SMCHD1: variants seen among roughly 807,000 people sequenced by gnomAD.
SMCHD1 encodes the protein structural maintenance of chromosomes flexible hinge domain containing 1.
In SMCHD1, 78 loss-of-function variants were observed where a neutral mutation model predicts 254.7. The observed-to-expected ratio is 0.31, with a 90% CI of 0.26 to 0.37. The LOEUF is 0.37. Ranked by LOEUF, SMCHD1 falls within the 10% of genes least tolerant of loss-of-function variation. SMCHD1 has a pLI of 1.00. For synonymous variants in SMCHD1, 766 were observed against 794.9 expected (o/e 0.96, Z 0.61); for missense variants, 1,840 against 2,408.1 (o/e 0.76, Z 4.94).
At chr18:2,711,775 C>T (rs1331629732) in intron 17 of SMCHD1, among the ~76,000 whole-genome samples, 4 of 152,184 alleles carry the variant, frequency 2.6e-5, no homozygotes, top group African/African-American at 9.7e-5. Flanking sequence ...AGCCACCGCG[C>T]CCGGCCTGGA....
intron 7 of SMCHD1, among the ~76,000 whole-genome samples, chr18:2,689,022 A>G (rs561207143): frequency 5.4e-4 from 82 of 152,280 alleles, no homozygotes; most frequent in African/African-American, 1.9e-3. Flanking sequence ...ATAGAGTAGA[A>G]AAACAGTAAC....
At chr18:2,797,652 C>T (rs1273424879) in intron 47 of SMCHD1, among the ~76,000 whole-genome samples, 2 of 152,196 alleles carry the variant, frequency 1.3e-5, no homozygotes, top group African/African-American at 4.8e-5. Context: ...TAAGGAATTA[C>T]AGTGGCTTAT....
Position 2,747,612 on chromosome 18 carries a change from G to A in SMCHD1, c.3892G>A (p.Val1298Ile). 6.2e-7 allele frequency: 1 copy of A among 1,603,834 alleles called. No homozygotes were observed. Among genetic ancestry groups the A allele is most frequent in the Non-Finnish European group, 8.5e-7 (1 of 1,174,308 alleles). Residue 1298 changes from valine to isoleucine, a missense_variant, in exon 30 of 48, where the codon GTT (valine) becomes ATT (isoleucine). Physicochemically the swap from Val to Ile is conservative, Grantham distance 29. Around this residue, in one of 9 missense-constraint regions of SMCHD1, gnomAD observed 881 missense variants for 1,009.5 expected, o/e 0.87. Transcript: ENST00000320876. ...GGATAATCCAGCACCGGTACAACAT[G>A]TTAAAATAAGTCTTACAAAAGCTAG... Reference protein sequence around the residue: ...QWDNPAPVQHVKISLTKASNL... With the variant: ...QWDNPAPVQHIKISLTKASNL...
At position 2,763,699 on chromosome 18, in the gene SMCHD1, C is replaced by T. The variant is rs483547; in HGVS notation, c.4629C>T (p.Gly1543=). The change falls in exon 37 of 48, where the codon GGC becomes GGT. Residue 1543 remains glycine (G), a synonymous_variant. Transcript: ENST00000320876. ...LVGTIIATIK[G]SNEEDTDTPL... ...GCACTATAATAGCCACCATTAAAGG[C>T]TCTAATGAGGAAGATACTGATACCC... The T allele has an allele frequency of 0.41, 662,280 of 1,605,584 alleles. 142,381 individuals are homozygous for T. Among genetic ancestry groups the T allele is most frequent in the Non-Finnish European group, 0.45 (528,054 of 1,175,720 alleles).
intron 1 of SMCHD1, among the ~76,000 whole-genome samples, chr18:2,662,667 C>CAAAAAAAAAAAAAAAAA (rs745838636): frequency 2.1e-3 from 74 of 35,650 alleles, no homozygotes; most frequent in East Asian, 4.7e-3. Flanking sequence ...AACAAAAAAC[C>CAAAAAAAAAAAAAAAAA]AAAAAAAAAA....
intron 7 of SMCHD1, among the ~76,000 whole-genome samples, chr18:2,691,224 A>T (rs751879251): frequency 4.6e-4 from 70 of 152,226 alleles, no homozygotes; most frequent in South Asian, 1.4e-3. Context: ...GAAAAATAGG[A>T]ATTGAGAATT....
chr18:2,674,068 A>T lies in SMCHD1; in HGVS notation c.561A>T (p.Arg187Ser), dbSNP rs375259752. 5.3e-5 allele frequency: 85 copies of T among 1,601,558 alleles called. No individual in the cohort carries two copies. The highest frequency in any genetic ancestry group is 7.0e-5 in the Non-Finnish European group (82 of 1,173,452). The change falls in exon 5 of 48, where the codon AGA becomes AGT. Residue 187 changes from arginine (R) to serine (S), a missense_variant. Transcript: ENST00000320876. ...CTGTTGCAGTGATAGATAATGGAAG[A>T]GGAATGACCTCTAAACAGCTTAACA... ...KPAVAVIDNG[R>S]GMTSKQLNNW...
In SMCHD1 at chr18:2,718,023, T is replaced by C; in HGVS notation, c.2261-135T>C. 3 of 621,286 alleles carry C rather than the reference T, an allele frequency of 4.8e-6. No individual in the cohort carries two copies. The South Asian group carries it at 6.2e-5, about 13-fold the overall frequency. 38.5% of individuals were successfully genotyped at this position (621,286 alleles called of 1,614,324 possible). A position where few individuals can be genotyped will look rare whatever the true frequency, so the allele number is the denominator to read the frequency against. On this transcript the variant is annotated intron_variant, in intron 17 of 47. Transcript: ENST00000320876. The surrounding 1 kb of genome is among the most constrained non-coding windows in gnomAD (Gnocchi z 4.6). ...ATTGCTGTTCACTTTCATAGGATAG[T>C]GTTAGATCTTTTGAAGCTTCAAAGC... is the stretch of plus-strand genomic sequence containing the variant.
intron 7 of SMCHD1, among the ~76,000 whole-genome samples, chr18:2,691,241 G>A (rs1323855607): frequency 6.6e-6 from 1 of 152,142 alleles, no homozygotes; most frequent in African/African-American, 2.4e-5. Context: ...AATTTAGGTG[G>A]TTTTCAAAAC....
rs559410260 is a variant in SMCHD1, at chr18:2,735,626, T to C, written c.3277-2771T>C. On this transcript the variant is annotated intron_variant, in intron 25 of 47. Transcript: ENST00000320876. ...ACAAAAACCAGTAGCATTTCTGTAC[T>C]ACGTTTTAAGCTGAAAGCCAAATCA... Among the ~76,000 whole-genome samples, 3 of 152,256 alleles carry C rather than the reference T, an allele frequency of 2.0e-5. No homozygotes were observed. In the South Asian group the frequency reaches 6.2e-4, roughly 32 times the overall value.
intron 45 of SMCHD1, among the ~76,000 whole-genome samples, chr18:2,788,787 G>A (rs1598449639): frequency 6.6e-6 from 1 of 151,942 alleles, no homozygotes; most frequent in Admixed American, 6.6e-5. Flanking sequence ...TTGTAGAGAT[G>A]GGGTTTCACC....
chr18:2,661,251 C>T (rs2073243428), intron 1 of SMCHD1, among the ~76,000 whole-genome samples: 1 of 151,538 alleles, frequency 6.6e-6, no homozygotes, highest in Non-Finnish European at 1.5e-5. Context: ...TCCTAGATGA[C>T]AGGTTGATAG....
chr18:2,752,258 A>G (rs2075589455), intron 33 of SMCHD1, among the ~76,000 whole-genome samples: 1 of 152,150 alleles, frequency 6.6e-6, no homozygotes, highest in South Asian at 2.1e-4. Flanking sequence ...ATCACCATAA[A>G]GTTCTACTGT....
intron 33 of SMCHD1, 141 bp from the exon 34 acceptor site, chr18:2,752,347 G>C: frequency 3.1e-6 from 2 of 638,308 alleles, no homozygotes; most frequent in South Asian, 3.6e-5. Context: ...AGATATAAAC[G>C]TGTGTATATA....
intron 28 of SMCHD1, among the ~76,000 whole-genome samples, chr18:2,742,395 T>C (rs1431435025): frequency 6.6e-6 from 1 of 152,202 alleles, no homozygotes; most frequent in African/African-American, 2.4e-5. Flanking sequence ...ACTTCCAACA[T>C]GACTTTAAAA....
In SMCHD1 at chr18:2,738,454, G is replaced by A; in HGVS notation, c.3334G>A (p.Val1112Met). ...CTTGCTACAGGGTCTGCTTCCTGAT[G>A]TGCAAGTACCAACATCTGTAAAAGA... ...EHLLQGLLPD[V>M]QVPTSVKDMR... Residue 1112 changes from valine to methionine, a missense_variant, in exon 26 of 48, where the codon GTG (valine) becomes ATG (methionine). Around this residue, in one of 9 missense-constraint regions of SMCHD1, gnomAD observed 881 missense variants for 1,009.5 expected, o/e 0.87. Transcript: ENST00000320876. The A allele has an allele frequency of 2.5e-6, 4 of 1,611,992 alleles. No individual in the cohort carries two copies. The highest frequency in any genetic ancestry group is 3.4e-6 in the Non-Finnish European group (4 of 1,178,964).
chr18:2,785,096 CT>C, intron 45 of SMCHD1: 1 of 265,170 alleles, frequency 3.8e-6, no homozygotes, highest in Non-Finnish European at 7.4e-6. Context: ...TCTCCTGCCC[CT>C]TTTTCCCTTC....
At chr18:2,717,096 C>CTG (rs2074817241) in intron 17 of SMCHD1, among the ~76,000 whole-genome samples, 1 of 152,190 alleles carries the variant, frequency 6.6e-6, no homozygotes, top group African/African-American at 2.4e-5. Context: ...TGGCAGGTTT[C>CTG]TGTGCAGCCC....
chr18:2,775,715 T>G lies in SMCHD1; in HGVS notation c.5176-19T>G. The stretch of plus-strand genomic sequence containing the variant: ...TATATGGATTTTATATTTTTTTACT[T>G]TATGAAAATGGGTTATAGATTGCAC... On this transcript the variant is annotated intron_variant, in intron 41 of 47. Coordinates refer to ENST00000320876, the MANE Select transcript of SMCHD1 (RefSeq NM_015295.3). The G allele has an allele frequency of 6.3e-7, 1 of 1,583,558 alleles. No homozygotes were observed. Among genetic ancestry groups the G allele is most frequent in the Non-Finnish European group, 8.6e-7 (1 of 1,167,528 alleles).
Sources: allele counts gnomAD v4.1 joint callset (sites outside exome capture counted in the v4.1 genomes callset), GRCh38; gene constraint gnomAD v4.1.1; regional missense constraint gnomAD v4.1.1; non-coding constraint Gnocchi (gnomAD v3.1); transcripts MANE v1.5; gene names NCBI Gene and HGNC (gene_info 2026-07-23, HGNC 2026-07-21).